PGAP1: variants seen among roughly 807,000 people sequenced by gnomAD.
PGAP1 encodes the protein GPI inositol-deacylase.
In PGAP1, 76 loss-of-function variants were observed where a neutral mutation model predicts 127.0. The observed-to-expected ratio is 0.60, with a 90% CI of 0.50 to 0.72. The LOEUF (loss-of-function observed/expected upper bound fraction) is 0.72. PGAP1 is among the 30% of genes least tolerant of loss of function. The probability of loss-of-function intolerance (pLI) is 0.00; values close to 1 mark genes in which losing one functional copy is unlikely to be tolerated. For missense variants in PGAP1, 982 were observed against 1,071.3 expected (o/e 0.92, Z 1.16); for synonymous variants, 362 against 366.5 (o/e 0.99, Z 0.14).
intron 7 of PGAP1, among the ~76,000 whole-genome samples, chr2:196,893,854 C>T (rs1380048660): frequency 6.6e-6 from 1 of 152,202 alleles, no homozygotes; most frequent in Non-Finnish European, 1.5e-5. Flanking sequence ...AAAAAGTGTA[C>T]TGGGTATAAA....
rs1383654106 is a variant in PGAP1 at position 196,833,814 on chromosome 2, T to C, written c.*7420A>G. ...CATGATTATCCTGTGAATAAAATAA[T>C]TTGGACCTTAATATAAATTATATCC... On this transcript the variant is annotated 3_prime_UTR_variant, in exon 27 of 27. Transcript: ENST00000354764. The C allele has an allele frequency of 2.0e-5, 3 of 152,132 alleles. No homozygotes were observed. The East Asian group carries it at 5.8e-4, about 29-fold the overall frequency. 9.4% of individuals were successfully genotyped at this position (152,132 alleles called of 1,614,324 possible). A position where few individuals can be genotyped will look rare whatever the true frequency, so the allele number is the denominator to read the frequency against.
chr2:196,879,213 A>G (rs1010213554), intron 13 of PGAP1, among the ~76,000 whole-genome samples: 4 of 152,180 alleles, frequency 2.6e-5, no homozygotes, highest in Admixed American at 2.6e-4. Context: ...AGCTGGGATT[A>G]CAGGTACTTG....
rs760233909 is a variant in PGAP1 at position 196,926,574 on chromosome 2, C to T, written c.43G>A (p.Val15Ile). 66 of 1,609,408 alleles carry T rather than the reference C, an allele frequency of 4.1e-5. No homozygotes were observed. The highest frequency in any genetic ancestry group is 5.4e-5 in the Non-Finnish European group (63 of 1,177,212). Residue 15 changes from valine (V) to isoleucine (I), a missense_variant, in exon 1 of 27, where the codon GTC becomes ATC. Coordinates refer to ENST00000354764, the MANE Select transcript of PGAP1 (RefSeq NM_024989.4). The part of the protein sequence containing the change: ...SVNLWNLAFY[V>I]FMVFLATLGL... ...AGGGTTGCCAGAAAGACCATGAAGA[C>T]ATAAAACGCCAGGTTCCAGAGATTA...
chr2:196,860,472 C>T (rs914389345), intron 20 of PGAP1, among the ~76,000 whole-genome samples: 23 of 151,866 alleles, frequency 1.5e-4, no homozygotes, highest in Non-Finnish European at 2.1e-4. Context: ...AGGCAGAGTT[C>T]GCAATGGGCC....
Position 196,912,930 on chromosome 2 carries a change from CT to C in PGAP1, c.600del (p.Ala201ProfsTer8), listed in dbSNP as rs1398336609. On this transcript the variant is annotated frameshift_variant, in exon 4 of 27. Transcript: ENST00000354764. LOFTEE classifies it high-confidence loss of function. The part of the protein sequence containing the change: ...KHDLINLLIT[Q>X]ATPHVAPVMP... ...ATCACAGGAGCAACATGAGGTGTGG[CT>C]TGTGTAATAAGAAGATTTATCAGAT... 1 of 1,613,560 alleles carries C rather than the reference CT, an allele frequency of 6.2e-7. No individual in the cohort carries two copies. Among genetic ancestry groups the C allele is most frequent in the Non-Finnish European group, 8.5e-7 (1 of 1,179,816 alleles).
rs1408676359 is a variant in PGAP1 at position 196,838,195 on chromosome 2, T to A, written c.*3039A>T. The stretch of plus-strand genomic sequence containing the variant: ...TTTGATCTGGTTATCAACAATAGGG[T>A]CTAGGAGTTAAGCACAAAACTTACT... On this transcript the variant is annotated 3_prime_UTR_variant, in exon 27 of 27. Coordinates refer to ENST00000354764, the MANE Select transcript of PGAP1 (RefSeq NM_024989.4). 1 of 152,196 alleles carries A rather than the reference T, an allele frequency of 6.6e-6. No individual in the cohort carries two copies. The highest frequency in any genetic ancestry group is 1.5e-5 in the Non-Finnish European group (1 of 68,020). The allele number at this position is 152,196 out of a possible 1,614,324, so 9.4% of individuals were successfully genotyped here.
rs768236583 is a variant in PGAP1, at chr2:196,913,035, T to C, written c.496A>G (p.Lys166Glu). 2.1e-5 allele frequency: 33 copies of C among 1,608,710 alleles called. No homozygotes were observed. In the East Asian group the frequency reaches 6.5e-4, roughly 32 times the overall value. Residue 166 changes from lysine (K) to glutamate (E), a missense_variant, in exon 4 of 27, where the codon AAA becomes GAA. Lys to Glu is a moderately conservative substitution (Grantham distance 56). Transcript: ENST00000354764. The stretch of plus-strand genomic sequence containing the variant: ...GAATGACCAATTATTGCCACACTTT[T>C]TGGAGCAAATTCTTGACCCTATTAA... ...KLYKGQEFAP[K>E]SVAIIGHSMG...
At position 196,847,062 on chromosome 2, in the gene PGAP1, A is replaced by G. The variant is rs745802869; in HGVS notation, c.2091T>C (p.Ser697=). The part of the protein sequence containing the change: ...FLFGTCTAYW[S]GLLSSASVRL... ...TCACAGATGCAGAAGACAGTAGGCC[A>G]CTCCAGTAGGCAGTACACGTTCCAA... Residue 697 remains serine, a synonymous_variant, in exon 22 of 27, where the codon AGT becomes AGC. Coordinates refer to ENST00000354764, the MANE Select transcript of PGAP1 (RefSeq NM_024989.4). 6 of 1,613,706 alleles carry G rather than the reference A, an allele frequency of 3.7e-6. No individual in the cohort carries two copies. The highest frequency in any genetic ancestry group is 1.7e-5 in the Admixed American group (1 of 59,996).
intron 17 of PGAP1, 24 bp from the exon 18 acceptor site, chr2:196,872,573 A>G (rs760816378): frequency 9.4e-6 from 14 of 1,481,788 alleles, no homozygotes; most frequent in African/African-American, 1.4e-5. Flanking sequence ...TTAAATATCA[A>G]TTCTCAAATA....
chr2:196,867,435 T>C (rs1171964274), intron 19 of PGAP1, among the ~76,000 whole-genome samples: 3 of 152,106 alleles, frequency 2.0e-5, no homozygotes, highest in Admixed American at 6.5e-5. Context: ...TGAGAACATA[T>C]GGACACAGGG....
chr2:196,859,191 G>A (rs1010380051), intron 20 of PGAP1, among the ~76,000 whole-genome samples: 8 of 152,086 alleles, frequency 5.3e-5, no homozygotes, highest in African/African-American at 1.7e-4. Flanking sequence ...GCCAGGTGTG[G>A]TGGCACACAC....
At chr2:196,880,556 CTGA>C (rs1479611767) in intron 12 of PGAP1, among the ~76,000 whole-genome samples, 1 of 152,014 alleles carries the variant, frequency 6.6e-6, no homozygotes, top group African/African-American at 2.4e-5. Flanking sequence ...CATTCAATAG[CTGA>C]TGAATGAATA....
At position 196,844,589 on chromosome 2, in the gene PGAP1, T is replaced by C. The variant is rs1700507270; in HGVS notation, c.2287-15A>G. On this transcript the variant is annotated splice_polypyrimidine_tract_variant and intron_variant, in intron 23 of 26. Coordinates refer to ENST00000354764, the MANE Select transcript of PGAP1 (RefSeq NM_024989.4). ...AGATGAACAACCTAAGAAAAATAAA[T>C]TGCTCTTTAATTTTACTTTTATTTT... 6.4e-7 allele frequency: 1 copy of C among 1,567,634 alleles called. No individual in the cohort carries two copies. The highest frequency in any genetic ancestry group is 8.7e-7 in the Non-Finnish European group (1 of 1,154,492).
intron 4 of PGAP1, among the ~76,000 whole-genome samples, chr2:196,905,381 T>C (rs531418774): frequency 6.6e-6 from 1 of 152,290 alleles, no homozygotes; most frequent in African/African-American, 2.4e-5. Context: ...AATTAAAATG[T>C]TTCCTTATTA....
chr2:196,902,647 C>T lies in PGAP1; in HGVS notation c.745G>A (p.Val249Ile), dbSNP rs141210056. 6.8e-6 allele frequency: 11 copies of T among 1,613,588 alleles called. No individual in the cohort carries two copies. The African/African-American group carries it at 1.3e-4, about 20-fold the overall frequency. Residue 249 changes from valine to isoleucine, a missense_variant, in exon 5 of 27, where the codon GTT (valine) becomes ATT (isoleucine). Transcript: ENST00000354764. The stretch of plus-strand genomic sequence containing the variant: ...GGTAGAAAAGTCAATCCTGAACGAA[C>T]TTGGTAATCCCGGAATCCTCCAGCT... The part of the protein sequence containing the change: ...SVAGGFRDYQ[V>I]RSGLTFLPKL...
chr2:196,865,070 A>T lies in PGAP1; in HGVS notation c.1778T>A (p.Phe593Tyr), dbSNP rs200347233. The T allele has an allele frequency of 7.1e-6, 11 of 1,554,988 alleles. No individual in the cohort carries two copies. Among genetic ancestry groups the T allele is most frequent in the South Asian group, 1.3e-5 (1 of 78,912 alleles). The change falls in exon 20 of 27, where the codon TTT becomes TAT. Residue 593 changes from phenylalanine to tyrosine, a missense_variant. By Grantham distance (22) the Phe-to-Tyr change is conservative (BLOSUM62 3). Transcript: ENST00000354764. The part of the protein sequence containing the change: ...FSQILGQVVR[F>Y]HGGALPAYVV... ...ATAAGCAGGAAGAGCTCCACCATGA[A>T]ATCTAACTACCTAAAAAACAGGTAA...
intron 21 of PGAP1, 84 bp from the exon 22 acceptor site, chr2:196,847,284 G>T: frequency 9.8e-7 from 1 of 1,020,578 alleles, no homozygotes; most frequent in Non-Finnish European, 1.5e-6. Context: ...GACTATTCAA[G>T]AGAGTCTCTA....
At chr2:196,870,665 AT>A (rs1701382554) in intron 19 of PGAP1, among the ~76,000 whole-genome samples, 1 of 152,192 alleles carries the variant, frequency 6.6e-6, no homozygotes, top group Non-Finnish European at 1.5e-5. Context: ...TTTTGGATGT[AT>A]CAAACATGAA....
At chr2:196,887,079 T>C (rs903564108) in intron 10 of PGAP1, among the ~76,000 whole-genome samples, 42 of 152,294 alleles carry the variant, frequency 2.8e-4, no homozygotes, top group African/African-American at 9.9e-4. Context: ...GCAGAGATGA[T>C]TGTGACATTT....
Sources: gnomAD v4.1 joint callset for allele counts (sites outside exome capture counted in the v4.1 genomes callset) on GRCh38, gnomAD v4.1.1 for gene constraint, MANE v1.5 for transcripts, NCBI Gene and HGNC (gene_info 2026-07-23, HGNC 2026-07-21) for gene names.